The following XKR4 variants were observed in gnomAD, a reference collection of about 807,000 sequenced individuals.
XKR4 encodes the protein XK related 4.
A neutral mutation model predicts 53.9 loss-of-function variants in XKR4; 12 were observed. The ratio of observed to expected loss-of-function variants is 0.22; its 90% confidence interval spans 0.14 to 0.36. The LOEUF (loss-of-function observed/expected upper bound fraction) is 0.36, where lower values mean the gene tolerates loss of function less well. Among genes scored for constraint, XKR4 ranks in the 10% least tolerant of loss-of-function variants. XKR4 has a pLI of 1.00. For missense variants in XKR4, 799 were observed against 859.5 expected (o/e 0.93, Z 0.88); for synonymous variants, 354 against 362.4 (o/e 0.98, Z 0.26).
chr8:55,117,505 G>T (rs1431311287), intron 1 of XKR4, among the ~76,000 whole-genome samples: 1 of 152,108 alleles, frequency 6.6e-6, no homozygotes, highest in Non-Finnish European at 1.5e-5. Flanking sequence ...TGATGATAAG[G>T]AGTAAATCTT....
intron 1 of XKR4, among the ~76,000 whole-genome samples, chr8:55,343,858 A>G (rs1046797906): frequency 6.6e-6 from 1 of 152,250 alleles, no homozygotes; most frequent in African/African-American, 2.4e-5. Context: ...TGAATAAATA[A>G]TACAATTATA....
In XKR4 at chr8:55,533,303, G is replaced by C. The variant is rs545783394; in HGVS notation, c.*9076G>C. Reference sequence around the variant, plus strand: ...GATTTTTTTTATTCTATTCAAATTGGGAGCAATAACACACCTTAACATAAC... The same window carrying C: ...GATTTTTTTTATTCTATTCAAATTGCGAGCAATAACACACCTTAACATAAC... On this transcript the variant is annotated 3_prime_UTR_variant, in exon 3 of 3. Transcript: ENST00000327381. 6.6e-5 allele frequency: 10 copies of C among 152,062 alleles called. No individual in the cohort carries two copies. The highest frequency in any genetic ancestry group is 2.2e-4 in the African/African-American group (9 of 41,470). 9.4% of individuals were successfully genotyped at this position (152,062 alleles called of 1,614,324 possible).
intron 1 of XKR4, among the ~76,000 whole-genome samples, chr8:55,332,940 A>T: frequency 6.8e-6 from 1 of 148,126 alleles, no homozygotes. Context: ...TTTTCCTCAG[A>T]CTTGACAATT....
chr8:55,440,924 T>C (rs577619894), intron 2 of XKR4, among the ~76,000 whole-genome samples: 5 of 152,126 alleles, frequency 3.3e-5, no homozygotes, highest in African/African-American at 1.2e-4. Context: ...AGCTGTCAAA[T>C]ACAACACAGC....
intron 2 of XKR4, among the ~76,000 whole-genome samples, chr8:55,436,873 C>G (rs1049748632): frequency 6.6e-6 from 1 of 152,178 alleles, no homozygotes; most frequent in Non-Finnish European, 1.5e-5. Flanking sequence ...GTAGCTGGTT[C>G]CCTGAGCCCA....
At chr8:55,426,372 C>A (rs559925820) in intron 2 of XKR4, among the ~76,000 whole-genome samples, 1 of 152,010 alleles carries the variant, frequency 6.6e-6, no homozygotes, top group South Asian at 2.1e-4. Context: ...TGCTCACTTG[C>A]GCTCTCTCTC....
At chr8:55,283,065 T>G (rs1818862469) in intron 1 of XKR4, among the ~76,000 whole-genome samples, 1 of 152,188 alleles carries the variant, frequency 6.6e-6, no homozygotes, top group African/African-American at 2.4e-5. Flanking sequence ...GTGTGTAGCC[T>G]AGGAGCAATA....
intron 2 of XKR4, among the ~76,000 whole-genome samples, chr8:55,504,304 C>T (rs1298810561): frequency 6.6e-6 from 1 of 151,986 alleles, no homozygotes; most frequent in Non-Finnish European, 1.5e-5. Context: ...CCTCCACCTC[C>T]CTGGCTCAAG....
chr8:55,182,058 T>G (rs891227917), intron 1 of XKR4, among the ~76,000 whole-genome samples: 9 of 152,230 alleles, frequency 5.9e-5, no homozygotes, highest in Non-Finnish European at 1.3e-4. Context: ...ATTATTCTTT[T>G]TTGAAGTGTC....
intron 2 of XKR4, among the ~76,000 whole-genome samples, chr8:55,465,150 T>C (rs572655774): frequency 4.6e-5 from 7 of 152,182 alleles, no homozygotes; most frequent in African/African-American, 1.7e-4. Context: ...AAAGTTCATA[T>C]GGAACCAAAA....
At chr8:55,432,996 A>G (rs1271870479) in intron 2 of XKR4, among the ~76,000 whole-genome samples, 1 of 152,204 alleles carries the variant, frequency 6.6e-6, no homozygotes, top group Non-Finnish European at 1.5e-5. Context: ...CCAGCCTTCA[A>G]GGTGGCAAAC....
intron 2 of XKR4, among the ~76,000 whole-genome samples, chr8:55,379,271 C>T (rs1001551824): frequency 1.3e-5 from 2 of 152,140 alleles, no homozygotes; most frequent in Admixed American, 1.3e-4. Context: ...ATTTCTTGCT[C>T]ATCAATTGTG....
intron 2 of XKR4, among the ~76,000 whole-genome samples, chr8:55,381,945 G>A (rs1421637186): frequency 6.6e-6 from 1 of 152,214 alleles, no homozygotes; most frequent in Non-Finnish European, 1.5e-5. Context: ...CCAGGACTAA[G>A]GGGAGAGGCC....
rs139785078 is a variant in XKR4 at position 55,448,762 on chromosome 8, T to C, written c.1007-74519T>C. 6.6e-5 allele frequency among the ~76,000 whole-genome samples: 10 copies of C among 152,304 alleles called. No homozygotes were observed. The East Asian group carries it at 9.6e-4, about 15-fold the overall frequency. On this transcript the variant is annotated intron_variant, in intron 2 of 2. Transcript: ENST00000327381. ...CCTGGTAGGCTGAAGCTTTGCTTCA[T>C]AGAACAGGGATGAAGCTAGAAACCA...
At chr8:55,369,587 A>G (rs1260009852) in intron 2 of XKR4, among the ~76,000 whole-genome samples, 2 of 151,240 alleles carry the variant, frequency 1.3e-5, no homozygotes, top group African/African-American at 4.9e-5. Context: ...GGAGGGAGGG[A>G]AAGAGAATAA....
chr8:55,311,326 C>T (rs1202255274), intron 1 of XKR4, among the ~76,000 whole-genome samples: 1 of 152,172 alleles, frequency 6.6e-6, no homozygotes, highest in Non-Finnish European at 1.5e-5. Flanking sequence ...CTCAGTTCAG[C>T]CTGGAGTGTC....
intron 1 of XKR4, among the ~76,000 whole-genome samples, chr8:55,206,998 G>C (rs1004463095): frequency 1.3e-5 from 2 of 152,248 alleles, no homozygotes; most frequent in African/African-American, 2.4e-5. Context: ...GGAGAATCCA[G>C]CTGAGTCCTG....
rs1446708573 is a variant in XKR4, at chr8:55,536,460, T to G, written c.*12233T>G. On this transcript the variant is annotated 3_prime_UTR_variant, in exon 3 of 3. Coordinates refer to ENST00000327381, the MANE Select transcript of XKR4 (RefSeq NM_052898.2). Reference sequence around the variant, plus strand: ...GTCCACATGACTGCAAATATCCTGATGAAAAGTGGCCAAGTAGATCACTCA... The same window carrying G: ...GTCCACATGACTGCAAATATCCTGAGGAAAAGTGGCCAAGTAGATCACTCA... The G allele has an allele frequency of 6.6e-6, 1 of 152,238 alleles. No homozygotes were observed. The highest frequency in any genetic ancestry group is 6.5e-5 in the Admixed American group (1 of 15,282). 9.4% of individuals were successfully genotyped at this position (152,238 alleles called of 1,614,324 possible).
intron 2 of XKR4, among the ~76,000 whole-genome samples, chr8:55,447,935 T>A (rs1175596775): frequency 6.6e-6 from 1 of 152,218 alleles, no homozygotes; most frequent in African/African-American, 2.4e-5. Context: ...CAGTAAATTG[T>A]GTCTGTCAAA....
Sources: gnomAD v4.1 joint callset for allele counts (sites outside exome capture counted in the v4.1 genomes callset) on GRCh38, gnomAD v4.1.1 for gene constraint, MANE v1.5 for transcripts, NCBI Gene and HGNC (gene_info 2026-07-23, HGNC 2026-07-21) for gene names.